Variants in B3GALT1 observed in about 807,000 individuals in gnomAD.
B3GALT1 encodes UDP-Gal:betaGlcNAc beta 1,3-galactosyltransferase, polypeptide 1.
B3GALT1 carries 10 observed loss-of-function variants against 23.2 expected under a neutral mutation model. That is an observed-to-expected ratio of 0.43 (90% CI 0.27 to 0.73). The LOEUF (loss-of-function observed/expected upper bound fraction) is 0.73, where lower values mean the gene tolerates loss of function less well. B3GALT1 is among the 30% of genes least tolerant of loss of function. The probability of loss-of-function intolerance (pLI) is 0.21; values close to 1 mark genes in which losing one functional copy is unlikely to be tolerated. For missense variants in B3GALT1, 299 were observed against 405.4 expected (o/e 0.74, Z 2.25); for synonymous variants, 156 against 141.5 (o/e 1.10, Z -0.73).
At chr2:167,658,754 G>C (rs931455426) in intron 3 of B3GALT1, among the ~76,000 whole-genome samples, 2 of 152,106 alleles carry the variant, frequency 1.3e-5, no homozygotes. Flanking sequence ...TATAATGCAA[G>C]GTAATTAGCA....
chr2:167,387,108 C>T (rs1269531094), intron 1 of B3GALT1, among the ~76,000 whole-genome samples: 1 of 152,118 alleles, frequency 6.6e-6, no homozygotes, highest in African/African-American at 2.4e-5. Context: ...ATGTACTTGG[C>T]ATTGTTGTAT....
intron 4 of B3GALT1, among the ~76,000 whole-genome samples, chr2:167,832,411 C>G (rs1184405216): frequency 1.3e-5 from 2 of 152,224 alleles, no homozygotes; most frequent in East Asian, 3.8e-4. Flanking sequence ...AAACCTCCCA[C>G]TGTCAATCCC....
intron 3 of B3GALT1, among the ~76,000 whole-genome samples, chr2:167,792,069 C>CA (rs1558980417): frequency 1.0e-4 from 15 of 148,152 alleles, no homozygotes; most frequent in East Asian, 8.1e-4. Flanking sequence ...AAGTGCAAAT[C>CA]TAAAAAAAAA....
intron 2 of B3GALT1, among the ~76,000 whole-genome samples, chr2:167,504,581 A>T (rs982122756): frequency 1.3e-5 from 2 of 152,196 alleles, no homozygotes; most frequent in African/African-American, 4.8e-5. Flanking sequence ...GCATCCTTCA[A>T]TCTTCATTGA....
At chr2:167,352,704 G>T (rs1272314866) in intron 1 of B3GALT1, among the ~76,000 whole-genome samples, 1 of 143,878 alleles carries the variant, frequency 7.0e-6, no homozygotes, top group East Asian at 2.1e-4. Flanking sequence ...CTGGGCGACA[G>T]AGCGAGACTC....
intron 4 of B3GALT1, among the ~76,000 whole-genome samples, chr2:167,849,066 G>A (rs935401307): frequency 4.6e-5 from 7 of 152,140 alleles, no homozygotes; most frequent in Non-Finnish European, 1.0e-4. Context: ...AGACACTGCT[G>A]AAAGAAATCA....
intron 1 of B3GALT1, among the ~76,000 whole-genome samples, chr2:167,484,024 C>G (rs1038663800): frequency 1.3e-5 from 2 of 152,144 alleles, no homozygotes; most frequent in Non-Finnish European, 2.9e-5. Context: ...TCCATATGAG[C>G]CCTATTGTCT....
At chr2:167,303,751 T>C (rs1238882176) in intron 1 of B3GALT1, among the ~76,000 whole-genome samples, 1 of 151,902 alleles carries the variant, frequency 6.6e-6, no homozygotes, top group Non-Finnish European at 1.5e-5. Flanking sequence ...AGGAGTGGGA[T>C]GAAGCCTCAG....
At chr2:167,495,941 C>G (rs934968495) in intron 2 of B3GALT1, among the ~76,000 whole-genome samples, 62 of 152,260 alleles carry the variant, frequency 4.1e-4, no homozygotes, top group African/African-American at 1.4e-3. Flanking sequence ...AATCACAGAG[C>G]AAGTTAAACT....
chr2:167,872,332 A>C lies in B3GALT1; in HGVS notation c.*2312A>C, dbSNP rs1690369232. The C allele has an allele frequency of 6.6e-6, 1 of 152,184 alleles. No homozygotes were observed. The highest frequency in any genetic ancestry group is 1.5e-5 in the Non-Finnish European group (1 of 68,050). 9.4% of individuals were successfully genotyped at this position (152,184 alleles called of 1,614,324 possible). ...CACGATCTCTCATCCCCCACCCGAAAGGACCTGATATGAGACAAGACTTCC... is the reference window on the plus strand; with the variant it reads ...CACGATCTCTCATCCCCCACCCGAACGGACCTGATATGAGACAAGACTTCC... On this transcript the variant is annotated 3_prime_UTR_variant, in exon 5 of 5. Coordinates refer to ENST00000392690, the MANE Select transcript of B3GALT1 (RefSeq NM_020981.4).
intron 3 of B3GALT1, among the ~76,000 whole-genome samples, chr2:167,759,559 T>C (rs1411813513): frequency 1.3e-5 from 2 of 151,938 alleles, no homozygotes; most frequent in Non-Finnish European, 2.9e-5. Context: ...TAAAGTGCCA[T>C]GGAAGGAAAA....
chr2:167,630,617 T>C (rs776224677), intron 2 of B3GALT1, among the ~76,000 whole-genome samples: 3 of 151,266 alleles, frequency 2.0e-5, no homozygotes, highest in Non-Finnish European at 3.0e-5. Flanking sequence ...GCAGTTTACA[T>C]TGAAATTATT....
rs140154834 is a variant in B3GALT1 at position 167,550,333 on chromosome 2, G to C, written c.-410+60056G>C. On this transcript the variant is annotated intron_variant, in intron 2 of 4. Coordinates refer to ENST00000392690, the MANE Select transcript of B3GALT1 (RefSeq NM_020981.4). ...GTTTAAAGGATACACTCTAGACTTT[G>C]TGACCTAAAATGCAATAAGTCTCCA... is the stretch of plus-strand genomic sequence containing the variant. 2.7e-3 allele frequency among the ~76,000 whole-genome samples: 405 copies of C among 152,336 alleles called. 1 individual carries two copies. Among genetic ancestry groups the C allele is most frequent in the African/African-American group, 9.0e-3 (376 of 41,578 alleles).
intron 2 of B3GALT1, among the ~76,000 whole-genome samples, chr2:167,578,146 G>A (rs770978929): frequency 6.6e-6 from 1 of 151,922 alleles, no homozygotes; most frequent in Non-Finnish European, 1.5e-5. Flanking sequence ...TGGCATGTGA[G>A]CAATTACTCT....
chr2:167,835,111 G>T (rs186981445), intron 4 of B3GALT1, among the ~76,000 whole-genome samples: 13 of 152,186 alleles, frequency 8.5e-5, no homozygotes, highest in Non-Finnish European at 1.3e-4. Context: ...CGACGCAGAA[G>T]ACGGGTGATT....
chr2:167,582,070 G>GA (rs1456730276), intron 2 of B3GALT1, among the ~76,000 whole-genome samples: 1 of 152,040 alleles, frequency 6.6e-6, no homozygotes, highest in African/African-American at 2.4e-5. Context: ...AAAATGAAAG[G>GA]AAAAACCAAG....
chr2:167,821,017 C>T (rs779105322), intron 4 of B3GALT1, among the ~76,000 whole-genome samples: 5 of 152,162 alleles, frequency 3.3e-5, no homozygotes, highest in Admixed American at 6.5e-5. Context: ...AAGAACTTTG[C>T]ATGTGTGCTA....
chr2:167,474,702 A>G (rs1699466922), intron 1 of B3GALT1, among the ~76,000 whole-genome samples: 1 of 152,186 alleles, frequency 6.6e-6, no homozygotes, highest in Non-Finnish European at 1.5e-5. Flanking sequence ...GCAAGGTGAA[A>G]TAGTTGTCAA....
rs149611024 is a variant in B3GALT1, at chr2:167,450,677, A to G, written c.-510-39500A>G. The stretch of plus-strand genomic sequence containing the variant: ...AACCAGATGAGAATGTGCCTAGGCA[A>G]TGATCTTTTTTCAATGAATTTCCCA... On this transcript the variant is annotated intron_variant, in intron 1 of 4. Coordinates refer to ENST00000392690, the MANE Select transcript of B3GALT1 (RefSeq NM_020981.4). Among the ~76,000 whole-genome samples, 587 of 152,312 alleles carry G rather than the reference A, an allele frequency of 3.9e-3. 6 individuals are homozygous for G. Among genetic ancestry groups the G allele is most frequent in the African/African-American group, 0.013 (559 of 41,566 alleles).
Sources: allele counts gnomAD v4.1 joint callset (sites outside exome capture counted in the v4.1 genomes callset), GRCh38; gene constraint gnomAD v4.1.1; transcripts MANE v1.5; gene names NCBI Gene and HGNC (gene_info 2026-07-23, HGNC 2026-07-21).